EEPD1: variants seen among roughly 807,000 people sequenced by gnomAD.
The protein encoded by EEPD1 is endonuclease/exonuclease/phosphatase family domain containing 1, also known as endonuclease/exonuclease/phosphatase family domain-containing protein 1.
In EEPD1, 17 loss-of-function variants were observed where a neutral mutation model predicts 46.3. That is an observed-to-expected ratio of 0.37 (90% confidence interval 0.25 to 0.55). EEPD1 has a LOEUF of 0.55. Among genes scored for constraint, EEPD1 ranks in the 20% least tolerant of loss-of-function variants. The pLI is 0.83. For missense variants in EEPD1, 673 were observed against 745.6 expected, an observed-to-expected ratio of 0.90 and a Z score of 1.13; for synonymous variants, 313 against 315.6, an observed-to-expected ratio of 0.99 and a Z score of 0.09.
chr7:36,280,842 A>G (rs1488014194), intron 3 of EEPD1, among the ~76,000 whole-genome samples: 1 of 152,236 alleles, frequency 6.6e-6, no homozygotes, highest in Non-Finnish European at 1.5e-5. Flanking sequence ...TTGGGCAGGA[A>G]TGCTACAGAG....
intron 2 of EEPD1, among the ~76,000 whole-genome samples, chr7:36,184,757 G>T (rs926263796): frequency 2.0e-5 from 3 of 151,920 alleles, no homozygotes; most frequent in African/African-American, 7.3e-5. Context: ...TTGAGACAGG[G>T]TCTCGCTCTG....
chr7:36,181,378 CTG>C (rs1425606825), intron 2 of EEPD1, among the ~76,000 whole-genome samples: 2 of 152,340 alleles, frequency 1.3e-5, no homozygotes, highest in East Asian at 1.9e-4. Flanking sequence ...GTGCTCACCT[CTG>C]TGTTTGGTAG....
In EEPD1 at chr7:36,155,122, G is replaced by A; in HGVS notation, c.798G>A (p.Trp266Ter). Reference sequence around the variant, plus strand: ...GGCCTGTGCTGAGGCTGGCCACCTGGAACTTGCAGGGCTGTTCCGTGGAGA... The same window carrying A: ...GGCCTGTGCTGAGGCTGGCCACCTGAAACTTGCAGGGCTGTTCCGTGGAGA... ...DGRPVLRLATWNLQGCSVEKA... is the reference protein window; with the variant it reads ...DGRPVLRLAT The change falls in exon 2 of 8, where the codon TGG becomes TGA. Residue 266 changes from tryptophan (W) to a stop codon, truncating the protein, a stop_gained. Coordinates refer to ENST00000242108, the MANE Select transcript of EEPD1 (RefSeq NM_030636.3). LOFTEE classifies it high-confidence loss of function. 6.4e-7 allele frequency: 1 copy of A among 1,559,174 alleles called. No individual in the cohort carries two copies. The highest frequency in any genetic ancestry group is 8.7e-7 in the Non-Finnish European group (1 of 1,153,250).
At chr7:36,271,976 G>C (rs1787113198) in intron 3 of EEPD1, among the ~76,000 whole-genome samples, 1 of 151,810 alleles carries the variant, frequency 6.6e-6, no homozygotes, top group Non-Finnish European at 1.5e-5. Flanking sequence ...TCACCTCCCA[G>C]ATTCAAGTGA....
intron 6 of EEPD1, among the ~76,000 whole-genome samples, chr7:36,288,701 G>C (rs1787377664): frequency 6.6e-6 from 1 of 151,690 alleles, no homozygotes; most frequent in Non-Finnish European, 1.5e-5. Context: ...AGTCGAGGCT[G>C]CAGTGAGCTT....
At chr7:36,260,218 C>T (rs1786899664) in intron 3 of EEPD1, among the ~76,000 whole-genome samples, 1 of 152,142 alleles carries the variant, frequency 6.6e-6, no homozygotes, top group Admixed American at 6.5e-5. Context: ...AAAAATCTGT[C>T]TTTTGGGTTT....
chr7:36,295,093 G>A (rs963654263), intron 6 of EEPD1, among the ~76,000 whole-genome samples: 2 of 151,770 alleles, frequency 1.3e-5, no homozygotes, highest in Admixed American at 1.3e-4. Context: ...CAGGAGGATT[G>A]CTTGAACCCG....
At chr7:36,264,211 T>C (rs576083657) in intron 3 of EEPD1, among the ~76,000 whole-genome samples, 1 of 152,366 alleles carries the variant, frequency 6.6e-6, no homozygotes, top group African/African-American at 2.4e-5. Context: ...TCATTTATAT[T>C]GTTACCAGAG....
At chr7:36,233,204 C>T (rs1786369297) in intron 2 of EEPD1, among the ~76,000 whole-genome samples, 1 of 152,216 alleles carries the variant, frequency 6.6e-6, no homozygotes, top group Non-Finnish European at 1.5e-5. Context: ...TAGATTTGCA[C>T]AGTGGGAATC....
In EEPD1 at chr7:36,174,977, C is replaced by T. The variant is rs550053451; in HGVS notation, c.878+19775C>T. On this transcript the variant is annotated intron_variant, in intron 2 of 7. Coordinates refer to ENST00000242108, the MANE Select transcript of EEPD1 (RefSeq NM_030636.3). ...TCCAGCACAGTCATGCAGTGGAAGACGATTTATGGACAGAAGGAGGAAAGT... is the reference window on the plus strand; with the variant it reads ...TCCAGCACAGTCATGCAGTGGAAGATGATTTATGGACAGAAGGAGGAAAGT... Among the ~76,000 whole-genome samples the T allele has an allele frequency of 5.3e-5, 8 of 152,234 alleles. No individual in the cohort carries two copies. The South Asian group carries it at 1.0e-3, about 20-fold the overall frequency.
At chr7:36,224,590 G>T (rs533648190) in intron 2 of EEPD1, among the ~76,000 whole-genome samples, 3 of 152,260 alleles carry the variant, frequency 2.0e-5, no homozygotes, top group African/African-American at 7.2e-5. Context: ...ACAGCAAAAG[G>T]ACATGGTCTC....
chr7:36,185,056 A>G (rs936732290), intron 2 of EEPD1, among the ~76,000 whole-genome samples: 5 of 152,186 alleles, frequency 3.3e-5, no homozygotes, highest in Middle Eastern at 3.2e-3. Context: ...TAATGATCCA[A>G]TGAACAACCC....
chr7:36,154,346 C>T lies in EEPD1; in HGVS notation c.22C>T (p.His8Tyr), dbSNP rs566376048. Residue 8 changes from histidine (H) to tyrosine (Y), a missense_variant, in exon 2 of 8, where the codon CAC (histidine) becomes TAC (tyrosine). His to Tyr is a moderately conservative substitution (Grantham distance 83, BLOSUM62 2). Transcript: ENST00000242108. The surrounding 1 kb of genome is among the most constrained non-coding windows in gnomAD (Gnocchi z 4.2). MGSTLGCHRSIPRDPSDL... is the reference protein window; with the variant it reads MGSTLGCYRSIPRDPSDL... ...GACCATGGGGAGCACCCTGGGCTGC[C>T]ACCGCTCCATCCCCAGGGACCCCTC... 1 of 1,611,316 alleles carries T rather than the reference C, an allele frequency of 6.2e-7. No individual in the cohort carries two copies. Among genetic ancestry groups the T allele is most frequent in the Non-Finnish European group, 8.5e-7 (1 of 1,179,856 alleles).
intron 4 of EEPD1, among the ~76,000 whole-genome samples, chr7:36,284,043 G>A (rs934005876): frequency 6.6e-6 from 1 of 152,182 alleles, no homozygotes; most frequent in Admixed American, 6.5e-5. Context: ...TTAACACTAG[G>A]CACTAGGACT....
chr7:36,186,478 G>A (rs1004484837), intron 2 of EEPD1, among the ~76,000 whole-genome samples: 2 of 152,222 alleles, frequency 1.3e-5, no homozygotes, highest in African/African-American at 4.8e-5. Context: ...TTCCATGGAA[G>A]TCTTAGAGGA....
At chr7:36,258,315 T>G (rs1406978589) in intron 3 of EEPD1, among the ~76,000 whole-genome samples, 1 of 152,214 alleles carries the variant, frequency 6.6e-6, no homozygotes, top group East Asian at 1.9e-4. Flanking sequence ...AGGGACCCAC[T>G]TGAGGAGGCA....
chr7:36,254,847 T>C (rs1786804000), intron 3 of EEPD1, among the ~76,000 whole-genome samples: 1 of 152,250 alleles, frequency 6.6e-6, no homozygotes, highest in Non-Finnish European at 1.5e-5. Flanking sequence ...CGTGAGATGG[T>C]ATCTCATTGT....
intron 2 of EEPD1, among the ~76,000 whole-genome samples, chr7:36,173,681 T>G (rs1583786985): frequency 6.6e-6 from 1 of 152,324 alleles, no homozygotes; most frequent in East Asian, 1.9e-4. Context: ...TATATCTTTA[T>G]AGCAGTGTGA....
intron 2 of EEPD1, among the ~76,000 whole-genome samples, chr7:36,208,363 C>G (rs993143885): frequency 6.6e-6 from 1 of 152,246 alleles, no homozygotes; most frequent in Admixed American, 6.5e-5. Flanking sequence ...GAGTAAGCAG[C>G]ATTTGCACAG....
Sources: allele counts gnomAD v4.1 joint callset (sites outside exome capture counted in the v4.1 genomes callset), GRCh38; gene constraint gnomAD v4.1.1; non-coding constraint Gnocchi (gnomAD v3.1); transcripts MANE v1.5; gene names NCBI Gene and HGNC (gene_info 2026-07-23, HGNC 2026-07-21).